The following RAB7A variants were observed in gnomAD, a reference collection of about 807,000 sequenced individuals.
RAB7A encodes ras-related protein Rab-7a.
In RAB7A, 2 loss-of-function variants were observed where a neutral mutation model predicts 24.5. The observed-to-expected ratio is 0.08, with a 90% CI of 0.03 to 0.26. The LOEUF (loss-of-function observed/expected upper bound fraction) is 0.26. RAB7A is among the 10% of genes least tolerant of loss of function. RAB7A has a pLI of 1.00. For synonymous variants in RAB7A, 100 were observed against 95.9 expected, an observed-to-expected ratio of 1.04 and a Z score of -0.25; for missense variants, 118 against 255.7, an observed-to-expected ratio of 0.46 and a Z score of 3.67.
intron 1 of RAB7A, among the ~76,000 whole-genome samples, chr3:128,752,836 T>G (rs1046039196): frequency 1.3e-5 from 2 of 152,140 alleles, no homozygotes; most frequent in African/African-American, 2.4e-5. Context: ...ACAGCCTTTT[T>G]TATTTCCAGG....
chr3:128,748,027 C>G (rs907257120), intron 1 of RAB7A, among the ~76,000 whole-genome samples: 1 of 152,192 alleles, frequency 6.6e-6, no homozygotes, highest in Non-Finnish European at 1.5e-5. Context: ...CTCTGCCTCC[C>G]AAAGTGCTGG....
chr3:128,780,701 G>A (rs866637401), intron 1 of RAB7A, among the ~76,000 whole-genome samples: 2 of 152,172 alleles, frequency 1.3e-5, no homozygotes, highest in African/African-American at 4.8e-5. Flanking sequence ...TTTAAGTGGG[G>A]CCAGAAAGAG....
chr3:128,795,282 C>G, intron 1 of RAB7A, 78 bp from the exon 2 acceptor site: 1 of 1,238,214 alleles, frequency 8.1e-7, no homozygotes, highest in Non-Finnish European at 1.2e-6. Flanking sequence ...TGGGGCTGCT[C>G]AGACATTTGT....
intron 1 of RAB7A, among the ~76,000 whole-genome samples, chr3:128,746,899 A>G (rs995040774): frequency 1.1e-4 from 16 of 151,762 alleles, no homozygotes; most frequent in Admixed American, 2.6e-4. Flanking sequence ...GGTGATAGAT[A>G]TATGTTAGTT....
At chr3:128,773,742 ATTC>A (rs1188001718) in intron 1 of RAB7A, among the ~76,000 whole-genome samples, 2 of 152,230 alleles carry the variant, frequency 1.3e-5, no homozygotes, top group Non-Finnish European at 2.9e-5. Context: ...ACTAAGAAAA[ATTC>A]TTCTGCCTTG....
intron 1 of RAB7A, among the ~76,000 whole-genome samples, chr3:128,730,742 T>G (rs981160399): frequency 1.3e-5 from 2 of 152,226 alleles, no homozygotes; most frequent in Non-Finnish European, 2.9e-5. Context: ...GCTTGGGAGT[T>G]GGTTCCAATG....
chr3:128,773,549 TGAG>T (rs1436863620), intron 1 of RAB7A, among the ~76,000 whole-genome samples: 1 of 151,512 alleles, frequency 6.6e-6, no homozygotes, highest in Non-Finnish European at 1.5e-5. Flanking sequence ...TTCTGGGAAG[TGAG>T]GAGCCCCTCT....
intron 1 of RAB7A, among the ~76,000 whole-genome samples, chr3:128,783,925 A>C (rs1020093714): frequency 6.6e-5 from 10 of 152,192 alleles, no homozygotes; most frequent in African/African-American, 2.4e-4. Flanking sequence ...TTCTGCTGGT[A>C]GTGCTCTCTC....
chr3:128,787,031 T>C (rs1344505374), intron 1 of RAB7A, among the ~76,000 whole-genome samples: 1 of 152,200 alleles, frequency 6.6e-6, no homozygotes, highest in Non-Finnish European at 1.5e-5. Flanking sequence ...GAAAGACATA[T>C]ACTCTAATAC....
chr3:128,765,135 G>T (rs938995724), intron 1 of RAB7A: 3 of 707,626 alleles, frequency 4.2e-6, no homozygotes, highest in Non-Finnish European at 5.1e-6. Context: ...ACGGGCGGCC[G>T]GCCGGGGTGG....
chr3:128,770,183 A>G (rs997065239), intron 1 of RAB7A, among the ~76,000 whole-genome samples: 13 of 151,748 alleles, frequency 8.6e-5, no homozygotes, highest in African/African-American at 3.1e-4. Flanking sequence ...TTGTATTTTT[A>G]GTAGAGACCA....
At chr3:128,765,641 C>T (rs1210042017) in intron 1 of RAB7A, among the ~76,000 whole-genome samples, 1 of 152,162 alleles carries the variant, frequency 6.6e-6, no homozygotes, top group East Asian at 1.9e-4. Flanking sequence ...TATGTGTCCT[C>T]ACATGGTGGA....
chr3:128,733,174 A>G (rs2070455189), intron 1 of RAB7A, among the ~76,000 whole-genome samples: 1 of 152,226 alleles, frequency 6.6e-6, no homozygotes, highest in Non-Finnish European at 1.5e-5. Flanking sequence ...TTATAAACCC[A>G]GAGGCCCTCT....
At chr3:128,795,751 C>CTGTTTTTTTTTTT (rs1933554904) in intron 2 of RAB7A, among the ~76,000 whole-genome samples, 1 of 43,032 alleles carries the variant, frequency 2.3e-5, no homozygotes, top group Non-Finnish European at 4.7e-5. Flanking sequence ...AGCAGATGTG[C>CTGTTTTTTTTTTT]TTTTTTTTTT....
chr3:128,770,071 C>T (rs879644960), intron 1 of RAB7A, among the ~76,000 whole-genome samples: 9 of 150,914 alleles, frequency 6.0e-5, no homozygotes, highest in South Asian at 2.1e-4. Context: ...GGCGCGATCT[C>T]GGCTTACTGC....
intron 1 of RAB7A, among the ~76,000 whole-genome samples, chr3:128,741,229 AT>A (rs1349053780): frequency 6.6e-6 from 1 of 152,144 alleles, no homozygotes; most frequent in Non-Finnish European, 1.5e-5. Flanking sequence ...TGTTGCAAAC[AT>A]TATTCCTGGC....
At chr3:128,743,782 TTC>T (rs1214646833) in intron 1 of RAB7A, among the ~76,000 whole-genome samples, 125 of 149,124 alleles carry the variant, frequency 8.4e-4, no homozygotes, top group Non-Finnish European at 1.6e-3. Context: ...ACAAAATAAT[TTC>T]TCTCTCTCTT....
At chr3:128,750,682 A>C (rs1325926190) in intron 1 of RAB7A, among the ~76,000 whole-genome samples, 1 of 152,240 alleles carries the variant, frequency 6.6e-6, no homozygotes, top group Non-Finnish European at 1.5e-5. Flanking sequence ...CTGACATTGA[A>C]ATAGAAAGTA....
intron 1 of RAB7A, among the ~76,000 whole-genome samples, chr3:128,751,313 A>C (rs1576276681): frequency 6.6e-6 from 1 of 152,110 alleles, no homozygotes; most frequent in Non-Finnish European, 1.5e-5. Context: ...GATACTCAAC[A>C]CCAGCCTGTG....
Sources: allele counts gnomAD v4.1 joint callset (sites outside exome capture counted in the v4.1 genomes callset), GRCh38; gene constraint gnomAD v4.1.1; transcripts MANE v1.5; gene names NCBI Gene and HGNC (gene_info 2026-07-23, HGNC 2026-07-21).